The following SDHAF3 variants were observed in gnomAD, a reference collection of about 807,000 sequenced individuals.
SDHAF3 encodes the protein succinate dehydrogenase assembly factor 3, mitochondrial.
In SDHAF3, 18 loss-of-function variants were observed where a neutral mutation model predicts 11.5. The observed-to-expected ratio is 1.56, with a 90% CI of 1.08 to 2.32. SDHAF3 has a LOEUF of 2.32. SDHAF3 is among the 30% of genes most tolerant of loss of function. SDHAF3 has a pLI of 0.00. For missense variants in SDHAF3, 200 were observed against 154.4 expected, an observed-to-expected ratio of 1.30 and a Z score of -1.57; for synonymous variants, 72 against 59.3, an observed-to-expected ratio of 1.21 and a Z score of -0.99.
chr7:97,160,076 C>T (rs1333896321), intron 1 of SDHAF3, among the ~76,000 whole-genome samples: 1 of 151,816 alleles, frequency 6.6e-6, no homozygotes, highest in African/African-American at 2.4e-5. Context: ...GCTGCCCTAT[C>T]TGGGAAGTGA....
At chr7:97,151,855 T>G (rs1789229806) in intron 1 of SDHAF3, among the ~76,000 whole-genome samples, 1 of 152,076 alleles carries the variant, frequency 6.6e-6, no homozygotes, top group African/African-American at 2.4e-5. Flanking sequence ...TTTAGGCAGA[T>G]TAGGGGTCCT....
intron 1 of SDHAF3, among the ~76,000 whole-genome samples, chr7:97,143,673 G>A (rs1789091752): frequency 6.8e-6 from 1 of 147,448 alleles, no homozygotes; most frequent in Non-Finnish European, 1.5e-5. Flanking sequence ...CACTGTGTGT[G>A]TGTGTGTGTG....
chr7:97,173,381 G>A (rs1023989407), intron 1 of SDHAF3, among the ~76,000 whole-genome samples: 12 of 151,834 alleles, frequency 7.9e-5, no homozygotes, highest in African/African-American at 2.2e-4. Flanking sequence ...CCTATCACTC[G>A]ACTTCAACAG....
intron 1 of SDHAF3, among the ~76,000 whole-genome samples, chr7:97,133,717 G>A (rs532294808): frequency 6.6e-6 from 1 of 152,134 alleles, no homozygotes; most frequent in Non-Finnish European, 1.5e-5. Flanking sequence ...TAACCCTAGA[G>A]GAGGGAGAAT....
At chr7:97,117,973 A>G in intron 1 of SDHAF3, 76 bp downstream of exon 1, 2 of 1,544,320 alleles carry the variant, frequency 1.3e-6, no homozygotes, top group Non-Finnish European at 1.8e-6. Flanking sequence ...CCAGTCCCCC[A>G]TGCGGGGTTA....
intron 1 of SDHAF3, among the ~76,000 whole-genome samples, chr7:97,173,051 G>A (rs1789628059): frequency 1.3e-5 from 2 of 152,102 alleles, no homozygotes; most frequent in Non-Finnish European, 2.9e-5. Flanking sequence ...TAGATACTTT[G>A]CATAGGCAGT....
chr7:97,165,763 CAG>C (rs1245661080), intron 1 of SDHAF3, among the ~76,000 whole-genome samples: 2 of 152,196 alleles, frequency 1.3e-5, no homozygotes, highest in South Asian at 2.1e-4. Context: ...CCTTGTAAAA[CAG>C]AATTTGTCAG....
At chr7:97,172,547 C>CCAGT (rs1789616663) in intron 1 of SDHAF3, among the ~76,000 whole-genome samples, 1 of 152,042 alleles carries the variant, frequency 6.6e-6, no homozygotes, top group Non-Finnish European at 1.5e-5. Context: ...GTTTATTGAA[C>CCAGT]CAGTCAGTCT....
At chr7:97,126,139 A>G (rs1791569766) in intron 1 of SDHAF3, among the ~76,000 whole-genome samples, 1 of 152,220 alleles carries the variant, frequency 6.6e-6, no homozygotes, top group Non-Finnish European at 1.5e-5. Flanking sequence ...GCTGCAGAAC[A>G]GCAAAGATTG....
intron 1 of SDHAF3, among the ~76,000 whole-genome samples, chr7:97,150,222 C>A (rs1404070782): frequency 6.6e-6 from 1 of 152,214 alleles, no homozygotes; most frequent in East Asian, 1.9e-4. Flanking sequence ...GAATCAGCTT[C>A]TTCCAAACTC....
At chr7:97,151,609 C>G (rs989049372) in intron 1 of SDHAF3, among the ~76,000 whole-genome samples, 2 of 151,886 alleles carry the variant, frequency 1.3e-5, no homozygotes, top group Non-Finnish European at 1.5e-5. Context: ...TGCCATTCTC[C>G]TGCCTCAGCC....
At chr7:97,143,221 T>A (rs1226990546) in intron 1 of SDHAF3, among the ~76,000 whole-genome samples, 1 of 152,132 alleles carries the variant, frequency 6.6e-6, no homozygotes, top group African/African-American at 2.4e-5. Context: ...CTAAGAATAT[T>A]TACTTTGTTT....
chr7:97,166,746 C>T (rs911914568), intron 1 of SDHAF3, among the ~76,000 whole-genome samples: 8 of 150,786 alleles, frequency 5.3e-5, no homozygotes, highest in Middle Eastern at 3.4e-3. Flanking sequence ...AGTTAGTTGG[C>T]GGGGGGGGCT....
At chr7:97,156,109 C>G (rs565921153) in intron 1 of SDHAF3, among the ~76,000 whole-genome samples, 26 of 152,208 alleles carry the variant, frequency 1.7e-4, no homozygotes, top group African/African-American at 6.3e-4. Context: ...GCCTAATGAC[C>G]TTTTTCTGTT....
Position 97,161,329 on chromosome 7 carries a change from A to G in SDHAF3, c.175-19683A>G, listed in dbSNP as rs1190556465. ...TCAGGACACTACCCCATCATAAGTC[A>G]GCAAGCATCTATATAGTCTATGGGA... On this transcript the variant is annotated intron_variant, in intron 1 of 1. Transcript: ENST00000432641. 2.6e-5 allele frequency among the ~76,000 whole-genome samples: 4 copies of G among 152,196 alleles called. No individual in the cohort carries two copies. The East Asian group carries it at 5.8e-4, about 22-fold the overall frequency.
At chr7:97,167,359 G>C (rs1015174614) in intron 1 of SDHAF3, among the ~76,000 whole-genome samples, 1 of 152,048 alleles carries the variant, frequency 6.6e-6, no homozygotes, top group Admixed American at 6.6e-5. Context: ...ATTTCCTGAG[G>C]CCTCCCAGTC....
chr7:97,175,896 T>G (rs1789671821), intron 1 of SDHAF3, among the ~76,000 whole-genome samples: 1 of 152,214 alleles, frequency 6.6e-6, no homozygotes, highest in Admixed American at 6.5e-5. Flanking sequence ...TGGTAGTGTA[T>G]TCTGGAGAGG....
At chr7:97,147,271 T>C (rs901773293) in intron 1 of SDHAF3, among the ~76,000 whole-genome samples, 4 of 152,228 alleles carry the variant, frequency 2.6e-5, no homozygotes, top group African/African-American at 9.6e-5. Flanking sequence ...GAAGTTGAGA[T>C]AGATACACAA....
rs200733729 is a variant in SDHAF3 at position 97,134,128 on chromosome 7, G to A, written c.174+16231G>A. Among the ~76,000 whole-genome samples the A allele has an allele frequency of 1.2e-4, 19 of 152,296 alleles. No individual in the cohort carries two copies. The East Asian group carries it at 1.9e-3, about 15-fold the overall frequency. On this transcript the variant is annotated intron_variant, in intron 1 of 1. Coordinates refer to ENST00000432641, the MANE Select transcript of SDHAF3 (RefSeq NM_020186.3). ...TCCAAAGCTCAGAATGGCAGCAGAT[G>A]ATACAGCAAACACGTTACTGCAAAA...
Sources: gnomAD v4.1 joint callset for allele counts (sites outside exome capture counted in the v4.1 genomes callset) on GRCh38, gnomAD v4.1.1 for gene constraint, MANE v1.5 for transcripts, NCBI Gene and HGNC (gene_info 2026-07-23, HGNC 2026-07-21) for gene names.